The following ARFGEF3 variants were observed in gnomAD, a reference collection of about 807,000 sequenced individuals.
ARFGEF3 encodes the protein ARFGEF family member 3, also known as brefeldin A-inhibited guanine nucleotide-exchange protein 3.
In ARFGEF3, 96 loss-of-function variants were observed where a neutral mutation model predicts 221.7. The ratio of observed to expected loss-of-function variants is 0.43; its 90% confidence interval spans 0.37 to 0.51. The LOEUF (loss-of-function observed/expected upper bound fraction) is 0.51, where lower values mean the gene tolerates loss of function less well. Ranked by LOEUF, ARFGEF3 falls within the 20% of genes least tolerant of loss-of-function variation. The pLI, the probability that ARFGEF3 is intolerant of heterozygous loss-of-function variation, is 0.00. For missense variants in ARFGEF3, 2,410 were observed against 2,789.9 expected, an observed-to-expected ratio of 0.86 and a Z score of 3.07; for synonymous variants, 1,145 against 1,126.8, an observed-to-expected ratio of 1.02 and a Z score of -0.32.
At position 138,263,403 on chromosome 6, in the gene ARFGEF3, A is replaced by G. The variant is rs1334577290; in HGVS notation, c.1920A>G (p.Glu640=). ...IGSDNCSLAD[E]EQTPRDCLGH... is the part of the protein sequence containing the mutation. ...CGGACAACTGTTCACTAGCCGATGA[A>G]GAGCAGACACCCCGGGACTGCCTAG... The change falls in exon 12 of 34, where the codon GAA becomes GAG. Residue 640 remains glutamate (E), a synonymous_variant. Coordinates refer to ENST00000251691, the MANE Select transcript of ARFGEF3 (RefSeq NM_020340.5). The G allele has an allele frequency of 1.9e-6, 3 of 1,613,878 alleles. No individual in the cohort carries two copies. The highest frequency in any genetic ancestry group is 2.5e-6 in the Non-Finnish European group (3 of 1,179,902).
At chr6:138,299,645 A>G (rs1339890774) in intron 22 of ARFGEF3, among the ~76,000 whole-genome samples, 1 of 152,220 alleles carries the variant, frequency 6.6e-6, no homozygotes, top group African/African-American at 2.4e-5. Flanking sequence ...CGGAGCCCTT[A>G]GGCTGGTTTT....
At chr6:138,175,590 G>T (rs944018011) in intron 2 of ARFGEF3, among the ~76,000 whole-genome samples, 1 of 152,296 alleles carries the variant, frequency 6.6e-6, no homozygotes, top group African/African-American at 2.4e-5. Context: ...GACAGATTTG[G>T]TGAAAAATAT....
chr6:138,171,713 A>T (rs1329330318), intron 2 of ARFGEF3, among the ~76,000 whole-genome samples: 1 of 152,140 alleles, frequency 6.6e-6, no homozygotes, highest in Non-Finnish European at 1.5e-5. Context: ...CTATACACAT[A>T]TATTTTTATA....
chr6:138,297,059 A>G (rs1779539121), intron 21 of ARFGEF3, 104 bp downstream of exon 21: 1 of 1,327,966 alleles, frequency 7.5e-7, no homozygotes, highest in Non-Finnish European at 1.0e-6. Context: ...CACTGTGGCC[A>G]TTGGGCAGTG....
At chr6:138,239,666 A>G (rs971018172) in intron 6 of ARFGEF3, among the ~76,000 whole-genome samples, 1 of 151,644 alleles carries the variant, frequency 6.6e-6, no homozygotes, top group African/African-American at 2.4e-5. Flanking sequence ...AAAAAAAAAA[A>G]AAAAGAAAGA....
Position 138,324,077 on chromosome 6 carries a change from C to G in ARFGEF3, c.4924C>G (p.Gln1642Glu). ...GTESFSGEGC[Q>E]VRVAAPSSSP... is the part of the protein sequence containing the mutation. ...GGAGAGCTTCAGCGGGGAAGGCTGC[C>G]AGGTGCGAGTGGCGGCCCCGTCCTC... The change falls in exon 31 of 34, where the codon CAG (glutamine) becomes GAG (glutamate). Residue 1642 changes from glutamine to glutamate, a missense_variant. Coordinates refer to ENST00000251691, the MANE Select transcript of ARFGEF3 (RefSeq NM_020340.5). 6.2e-7 allele frequency: 1 copy of G among 1,613,928 alleles called. No homozygotes were observed. Among genetic ancestry groups the G allele is most frequent in the South Asian group, 1.1e-5 (1 of 91,080 alleles).
chr6:138,189,984 T>G (rs1273106593), intron 2 of ARFGEF3, among the ~76,000 whole-genome samples: 1 of 151,824 alleles, frequency 6.6e-6, no homozygotes, highest in African/African-American at 2.4e-5. Flanking sequence ...CCTGGGAGAC[T>G]GAGGTGGGAG....
intron 17 of ARFGEF3, among the ~76,000 whole-genome samples, chr6:138,289,588 G>C (rs1303572569): frequency 2.6e-5 from 4 of 152,218 alleles, no homozygotes; most frequent in African/African-American, 9.7e-5. Context: ...GCACCTGCCA[G>C]CTCAGGATCC....
At chr6:138,242,454 G>C (rs1441597894) in intron 6 of ARFGEF3, among the ~76,000 whole-genome samples, 4 of 152,186 alleles carry the variant, frequency 2.6e-5, no homozygotes, top group Non-Finnish European at 5.9e-5. Context: ...TGGAGATTCT[G>C]ACCAGTGGTT....
intron 24 of ARFGEF3, among the ~76,000 whole-genome samples, chr6:138,309,800 CAG>C (rs1229709967): frequency 6.6e-6 from 1 of 152,222 alleles, no homozygotes. Context: ...GCTCCAGAGA[CAG>C]AGACACAGAG....
chr6:138,323,635 CAA>C lies in ARFGEF3; in HGVS notation c.4767-27_4767-26del, dbSNP rs370204274. 3.7e-4 allele frequency: 471 copies of C among 1,274,012 alleles called. 6 individuals carry two copies. The East Asian group carries it at 0.014, about 38-fold the overall frequency. 78.9% of individuals were successfully genotyped at this position (1,274,012 alleles called of 1,614,324 possible). The stretch of plus-strand genomic sequence containing the variant: ...TGAAAAAAACAAACAACAACAACAA[CAA>C]AAAAAAAACTCCTTTACTTGTTTCT... On this transcript the variant is annotated intron_variant, in intron 29 of 33. Transcript: ENST00000251691.
At chr6:138,204,065 G>A (rs946907322) in intron 2 of ARFGEF3, among the ~76,000 whole-genome samples, 51 of 152,036 alleles carry the variant, frequency 3.4e-4, no homozygotes, top group South Asian at 4.1e-4. Flanking sequence ...GAGGCCAGGC[G>A]CGGTGGCTCA....
At chr6:138,283,843 G>A (rs896032731) in intron 14 of ARFGEF3, among the ~76,000 whole-genome samples, 2 of 152,276 alleles carry the variant, frequency 1.3e-5, no homozygotes, top group Middle Eastern at 6.8e-3. Context: ...AGAGAAACCA[G>A]TCTGTTTCCA....
At chr6:138,333,445 ATTT>A (rs931490106) in intron 32 of ARFGEF3, among the ~76,000 whole-genome samples, 1 of 151,732 alleles carries the variant, frequency 6.6e-6, no homozygotes, top group Non-Finnish European at 1.5e-5. Flanking sequence ...AGCTTTGGGA[ATTT>A]TTTTTCTTTT....
chr6:138,264,895 T>G (rs1024405633), intron 12 of ARFGEF3, among the ~76,000 whole-genome samples: 1 of 151,706 alleles, frequency 6.6e-6, no homozygotes, highest in African/African-American at 2.4e-5. Context: ...GGAACAAATT[T>G]TTTTTTCCTT....
chr6:138,254,738 G>T (rs1335103742), intron 9 of ARFGEF3, among the ~76,000 whole-genome samples: 1 of 152,106 alleles, frequency 6.6e-6, no homozygotes. Context: ...TAATAATAAA[G>T]CAGATAAATT....
chr6:138,299,964 A>G (rs1383872666), intron 22 of ARFGEF3, among the ~76,000 whole-genome samples: 1 of 152,124 alleles, frequency 6.6e-6, no homozygotes, highest in Non-Finnish European at 1.5e-5. Flanking sequence ...AGAAGCAACA[A>G]AACTCCCCCG....
At chr6:138,208,692 T>C (rs1208653675) in intron 3 of ARFGEF3, among the ~76,000 whole-genome samples, 1 of 152,180 alleles carries the variant, frequency 6.6e-6, no homozygotes, top group Non-Finnish European at 1.5e-5. Context: ...AGGGTGAAAT[T>C]GTATGCCTCA....
At chr6:138,276,624 G>A (rs1779101580) in intron 12 of ARFGEF3, among the ~76,000 whole-genome samples, 1 of 151,892 alleles carries the variant, frequency 6.6e-6, no homozygotes, top group Admixed American at 6.6e-5. Context: ...ATACCACACA[G>A]TTTACCTGCT....
Sources: gnomAD v4.1 joint callset for allele counts (sites outside exome capture counted in the v4.1 genomes callset) on GRCh38, gnomAD v4.1.1 for gene constraint, MANE v1.5 for transcripts, NCBI Gene and HGNC (gene_info 2026-07-23, HGNC 2026-07-21) for gene names.